PIWIL2: variants seen among roughly 807,000 people sequenced by gnomAD.
The protein encoded by PIWIL2 is piwi like RNA-mediated gene silencing 2.
A neutral mutation model predicts 116.5 loss-of-function variants in PIWIL2; 81 were observed. That is an observed-to-expected ratio of 0.70 (90% CI 0.58 to 0.84). The LOEUF is 0.84. Among genes scored for constraint, PIWIL2 ranks in the 40% least tolerant of loss-of-function variants. The pLI is 0.00. For missense variants in PIWIL2, 1,272 were observed against 1,212.3 expected, an observed-to-expected ratio of 1.05 and a Z score of -0.73; for synonymous variants, 489 against 429.5, an observed-to-expected ratio of 1.14 and a Z score of -1.71.
At position 22,275,373 on chromosome 8, in the gene PIWIL2, C is replaced by G. The variant is rs911163315; in HGVS notation, c.-72C>G. On this transcript the variant is annotated 5_prime_UTR_variant, in exon 1 of 23. Transcript: ENST00000356766. ...TCCCCTGAGGCCGCGCGGAGCTGGG[C>G]GACTGGGGCGAGGACTCGCGCACAG... The G allele has an allele frequency of 6.6e-6, 1 of 152,536 alleles. No homozygotes were observed. Among genetic ancestry groups the G allele is most frequent in the African/African-American group, 2.4e-5 (1 of 41,466 alleles). The allele number at this position is 152,536 out of a possible 1,614,324, so 9.4% of individuals were successfully genotyped here.
chr8:22,346,351 C>T (rs1157274099), intron 20 of PIWIL2, among the ~76,000 whole-genome samples: 1 of 152,206 alleles, frequency 6.6e-6, no homozygotes, highest in Non-Finnish European at 1.5e-5. Flanking sequence ...GTGGTGGAAT[C>T]AGCAGCCCTG....
At chr8:22,321,688 A>G (rs1435102662) in intron 20 of PIWIL2, among the ~76,000 whole-genome samples, 1 of 152,156 alleles carries the variant, frequency 6.6e-6, no homozygotes, top group African/African-American at 2.4e-5. Context: ...CCCGGTTGAC[A>G]GAGCCTGCCT....
At chr8:22,322,021 G>GTTTTT in intron 20 of PIWIL2, 1 of 843,406 alleles carries the variant, frequency 1.2e-6, no homozygotes, top group Non-Finnish European at 1.4e-6. Context: ...TACTGTTTTG[G>GTTTTT]TTTTTTTTTT....
rs1327453745 is a variant in PIWIL2, at chr8:22,283,074, C to G, written c.466C>G (p.Leu156Val). The G allele has an allele frequency of 6.2e-7, 1 of 1,614,202 alleles. No individual in the cohort carries two copies. Among genetic ancestry groups the G allele is most frequent in the Non-Finnish European group, 8.5e-7 (1 of 1,180,016 alleles). Residue 156 changes from leucine to valine, a missense_variant, in exon 5 of 23, where the codon CTG (leucine) becomes GTG (valine). Coordinates refer to ENST00000356766, the MANE Select transcript of PIWIL2 (RefSeq NM_018068.5). Reference protein sequence around the residue: ...RGSSDASLLPLGRAAGGISRE... With the variant: ...RGSSDASLLPVGRAAGGISRE... ...GAGTTCAGATGCGTCTTTATTACCACTGGGAAGAGCAGCAGGTGGTATCAG... is the reference window on the plus strand; with the variant it reads ...GAGTTCAGATGCGTCTTTATTACCAGTGGGAAGAGCAGCAGGTGGTATCAG...
At chr8:22,349,051 CTTTTTT>C (rs35385064) in intron 20 of PIWIL2, among the ~76,000 whole-genome samples, 397 of 136,796 alleles carry the variant, frequency 2.9e-3, no homozygotes, top group African/African-American at 0.01. Flanking sequence ...TTTCTTTTTT[CTTTTTT>C]TTTTTTTTTG....
chr8:22,345,719 G>A (rs1329302619), intron 20 of PIWIL2, among the ~76,000 whole-genome samples: 1 of 152,082 alleles, frequency 6.6e-6, no homozygotes, highest in Admixed American at 6.6e-5. Flanking sequence ...TTGATGAATG[G>A]ACAAACAAAA....
At chr8:22,315,216 A>G (rs899252694) in intron 18 of PIWIL2, 71 bp downstream of exon 18, 11 of 857,358 alleles carry the variant, frequency 1.3e-5, no homozygotes, top group African/African-American at 1.7e-5. Flanking sequence ...GTTTTTCCTT[A>G]TTCGTTATGC....
At chr8:22,351,438 TA>T (rs752526153) in intron 20 of PIWIL2, among the ~76,000 whole-genome samples, 8,248 of 65,190 alleles carry the variant, frequency 0.13, 888 homozygotes, top group Admixed American at 0.21. Flanking sequence ...AGTGCATACA[TA>T]CATATATATA....
At chr8:22,282,868 GC>G (rs1394988379) in intron 4 of PIWIL2, among the ~76,000 whole-genome samples, 165 bp from the exon 5 acceptor site, 1 of 152,210 alleles carries the variant, frequency 6.6e-6, no homozygotes, top group Non-Finnish European at 1.5e-5. Flanking sequence ...AGGGTTACAG[GC>G]GTGAGCCACT....
intron 20 of PIWIL2, among the ~76,000 whole-genome samples, chr8:22,328,799 G>A (rs1219176948): frequency 7.1e-6 from 1 of 140,776 alleles, no homozygotes; most frequent in Non-Finnish European, 1.5e-5. Context: ...TTTTCTGAAT[G>A]TGGTTATGAG....
intron 4 of PIWIL2, 107 bp from the exon 5 acceptor site, chr8:22,282,927 C>G (rs934679320): frequency 1.6e-5 from 14 of 850,146 alleles, no homozygotes; most frequent in Non-Finnish European, 2.5e-5. Flanking sequence ...AAACTTGGAT[C>G]CCTTTTGCTG....
intron 20 of PIWIL2, among the ~76,000 whole-genome samples, chr8:22,349,415 G>GTATATATATATATATATA (rs540224852): frequency 2.4e-4 from 32 of 134,924 alleles, no homozygotes; most frequent in Admixed American, 4.6e-4. Context: ...ATATATGTGT[G>GTATATATATATATATATA]TGTGTATATA....
chr8:22,276,821 T>G (rs1469997564), intron 1 of PIWIL2, among the ~76,000 whole-genome samples: 2 of 151,932 alleles, frequency 1.3e-5, no homozygotes, highest in African/African-American at 2.4e-5. Flanking sequence ...GAGGACTGCT[T>G]GAGCACAGGA....
chr8:22,276,720 G>A lies in PIWIL2; in HGVS notation c.-47+1322G>A, dbSNP rs527709504. Among the ~76,000 whole-genome samples, 3 of 152,186 alleles carry A rather than the reference G, an allele frequency of 2.0e-5. No homozygotes were observed. In the South Asian group the frequency reaches 6.2e-4, roughly 32 times the overall value. ...GTTTGAGACCAGCCTGGGCAACATG[G>A]CAAGATCCCGTCTCTACAAATTTTT... On this transcript the variant is annotated intron_variant, in intron 1 of 22. Coordinates refer to ENST00000356766, the MANE Select transcript of PIWIL2 (RefSeq NM_018068.5).
rs1043144512 is a variant in PIWIL2 at position 22,321,920 on chromosome 8, A to T, written c.2403+3645A>T. 16 of 985,180 alleles carry T rather than the reference A, an allele frequency of 1.6e-5. No individual in the cohort carries two copies. The African/African-American group carries it at 2.8e-4, about 17-fold the overall frequency. The allele number at this position is 985,180 out of a possible 1,614,324, so 61.0% of individuals were successfully genotyped here. On this transcript the variant is annotated intron_variant, in intron 20 of 22. Coordinates refer to ENST00000356766, the MANE Select transcript of PIWIL2 (RefSeq NM_018068.5). ...TTACACATTTTCAGCCCCATTTTGC[A>T]TCACGGCTCGCTAGTCCAAAGCCCA...
At chr8:22,308,796 A>G (rs182564135) in intron 14 of PIWIL2, among the ~76,000 whole-genome samples, 4 of 152,058 alleles carry the variant, frequency 2.6e-5, no homozygotes, top group Non-Finnish European at 5.9e-5. Flanking sequence ...TTACAGGCGC[A>G]CACCACCATG....
intron 20 of PIWIL2, among the ~76,000 whole-genome samples, chr8:22,338,065 C>G (rs969852198): frequency 1.2e-4 from 18 of 151,490 alleles, no homozygotes; most frequent in Middle Eastern, 3.4e-3. Context: ...CTGCTACAGC[C>G]TGTGTGACAA....
chr8:22,282,074 C>T (rs1379190584), intron 4 of PIWIL2, among the ~76,000 whole-genome samples: 1 of 88,808 alleles, frequency 1.1e-5, no homozygotes, highest in Non-Finnish European at 2.0e-5. Context: ...TGTGCGTGGA[C>T]TTTTTTTTTT....
chr8:22,353,363 T>A, intron 21 of PIWIL2, 151 bp downstream of exon 21: 1 of 724,926 alleles, frequency 1.4e-6, no homozygotes, highest in Non-Finnish European at 2.2e-6. Flanking sequence ...AAAAAATATT[T>A]AAGGGCCTGG....
Sources: allele counts gnomAD v4.1 joint callset (sites outside exome capture counted in the v4.1 genomes callset), GRCh38; gene constraint gnomAD v4.1.1; transcripts MANE v1.5; gene names NCBI Gene and HGNC (gene_info 2026-07-23, HGNC 2026-07-21).